The following INSRR variants were observed in gnomAD, a reference collection of about 807,000 sequenced individuals.
The protein encoded by INSRR is insulin receptor-related protein.
A neutral mutation model predicts 130.0 loss-of-function variants in INSRR; 114 were observed. The ratio of observed to expected loss-of-function variants is 0.88; its 90% CI spans 0.75 to 1.02. The LOEUF (loss-of-function observed/expected upper bound fraction) is 1.02, where lower values mean the gene tolerates loss of function less well. INSRR is among the 50% of genes least tolerant of loss of function. The pLI, the probability that INSRR is intolerant of heterozygous loss-of-function variation, is 0.00. For missense variants in INSRR, 1,657 were observed against 1,735.2 expected (o/e 0.95, Z 0.80); for synonymous variants, 674 against 705.2 (o/e 0.96, Z 0.70).
intron 19 of INSRR, 128 bp downstream of exon 19, chr1:156,841,984 C>T: frequency 3.2e-6 from 5 of 1,555,982 alleles, no homozygotes; most frequent in Middle Eastern, 1.8e-4. Flanking sequence ...GACTAAGATA[C>T]AGGGTGGGGG....
rs767526572 is a variant in INSRR at position 156,854,101 on chromosome 1, G to A, written c.288C>T (p.Asp96=). 3 of 1,614,140 alleles carry A rather than the reference G, an allele frequency of 1.9e-6. No homozygotes were observed. The highest frequency in any genetic ancestry group is 8.5e-7 in the Non-Finnish European group (1 of 1,180,044). ...FRVYGLESLR[D]LFPNLAVIRG... ...GGATGACTGCTAGGTTGGGGAAGAG[G>A]TCGCGCAGGCTCTCCAGTCCGTAGA... is the stretch of plus-strand genomic sequence containing the variant. The change falls in exon 2 of 22, where the codon GAC becomes GAT. Residue 96 remains aspartate, a synonymous_variant. Transcript: ENST00000368195. The surrounding 1 kb of genome is among the most constrained non-coding windows in gnomAD (Gnocchi z 4.2).
In INSRR at chr1:156,852,904, T is replaced by C. The variant is rs1454531282; in HGVS notation, c.638-713A>G. ...GATCTTGTTACTCTCCCGCCCGCCCTGCTGCTGAGGCGCTGGGGGTGAGAG... is the reference window on the plus strand; with the variant it reads ...GATCTTGTTACTCTCCCGCCCGCCCCGCTGCTGAGGCGCTGGGGGTGAGAG... On this transcript the variant is annotated intron_variant, in intron 2 of 21. Transcript: ENST00000368195. 3.3e-5 allele frequency among the ~76,000 whole-genome samples: 5 copies of C among 152,280 alleles called. No individual in the cohort carries two copies. In the East Asian group the frequency reaches 9.7e-4, roughly 29 times the overall value.
intron 7 of INSRR, among the ~76,000 whole-genome samples, chr1:156,847,334 CA>C (rs1655047227): frequency 6.6e-6 from 1 of 152,344 alleles, no homozygotes; most frequent in East Asian, 1.9e-4. Context: ...ATTAAGGGGC[CA>C]GAGGCAACTA....
rs545467563 is a variant in INSRR at position 156,849,624 on chromosome 1, T to C, written c.1230-164A>G. On this transcript the variant is annotated intron_variant, in intron 5 of 21. Transcript: ENST00000368195. Reference sequence around the variant, plus strand: ...ACCGGGGGCATTCGTGCATACCCACTCTGTGCCACTGACCAGGAGTATGAT... The same window carrying C: ...ACCGGGGGCATTCGTGCATACCCACCCTGTGCCACTGACCAGGAGTATGAT... Among the ~76,000 whole-genome samples the C allele has an allele frequency of 3.9e-5, 6 of 152,278 alleles. No individual in the cohort carries two copies. In the East Asian group the frequency reaches 1.2e-3, roughly 29 times the overall value.
chr1:156,855,205 T>TATCTATCTATCTATCTATCTA (rs1372578527), intron 1 of INSRR, among the ~76,000 whole-genome samples: 1 of 151,950 alleles, frequency 6.6e-6, no homozygotes, highest in African/African-American at 2.4e-5. Context: ...TCTATCTATC[T>TATCTATCTATCTATCTATCTA]ATCTATTTAT....
At chr1:156,842,013 A>T in intron 19 of INSRR, 99 bp downstream of exon 19, 1 of 1,585,700 alleles carries the variant, frequency 6.3e-7, no homozygotes, top group Non-Finnish European at 8.6e-7. Context: ...CAAGGGTCTC[A>T]CAGGCTGTCA....
At position 156,853,745 on chromosome 1, in the gene INSRR, T is replaced by C. The variant is rs1306981410; in HGVS notation, c.637+7A>G. 8 of 1,591,550 alleles carry C rather than the reference T, an allele frequency of 5.0e-6. No homozygotes were observed. Among genetic ancestry groups the C allele is most frequent in the Non-Finnish European group, 6.9e-6 (8 of 1,163,862 alleles). On this transcript the variant is annotated splice_region_variant and intron_variant, in intron 2 of 21. Transcript: ENST00000368195. ...TCCCTACATTCATGTTCTGTGCCAG[T>C]GCCCACCTCTCTGGCAGTGGCTGGA...
chr1:156,843,321 T>G (rs931012401), intron 16 of INSRR, 88 bp from the exon 17 acceptor site: 1 of 1,563,268 alleles, frequency 6.4e-7, no homozygotes, highest in African/African-American at 1.4e-5. Context: ...TCTGAAGGGC[T>G]CTTGTCCCAA....
In INSRR at chr1:156,847,608, G is replaced by A. The variant is rs546160994; in HGVS notation, c.1572-851C>T. On this transcript the variant is annotated intron_variant, in intron 7 of 21. Coordinates refer to ENST00000368195, the MANE Select transcript of INSRR (RefSeq NM_014215.3). ...TTGGGTGGCAGTGGGGGAACTTGTG[G>A]CCCAGCGGGAAGTGCCTGCCTTTGT... 5.1e-4 allele frequency among the ~76,000 whole-genome samples: 78 copies of A among 152,214 alleles called. 1 individual carries two copies. The highest frequency in any genetic ancestry group is 2.7e-3 in the Admixed American group (42 of 15,284).
Position 156,849,445 on chromosome 1 carries a change from G to A in INSRR, c.1245C>T (p.Tyr415=), listed in dbSNP as rs769917654. ...GTTGTAGGTTCTGGTTGTCCAGCAC[G>A]TAGAGAGTGTAGTTCCTGGGGGAGG... ...DAMVDGNYTL[Y]VLDNQNLQQL... Residue 415 remains tyrosine, a synonymous_variant, in exon 6 of 22, where the codon TAC becomes TAT. Coordinates refer to ENST00000368195, the MANE Select transcript of INSRR (RefSeq NM_014215.3). The A allele has an allele frequency of 3.4e-5, 47 of 1,401,214 alleles. No individual in the cohort carries two copies. In the East Asian group the frequency reaches 1.6e-3, roughly 48 times the overall value. The allele number at this position is 1,401,214 out of a possible 1,614,324, so 86.8% of individuals were successfully genotyped here. A position where few individuals can be genotyped will look rare whatever the true frequency, so the allele number is the denominator to read the frequency against.
At chr1:156,845,561 C>T (rs1465058051) in intron 10 of INSRR, 58 bp downstream of exon 10, 2 of 759,736 alleles carry the variant, frequency 2.6e-6, no homozygotes, top group Admixed American at 6.1e-5. Context: ...TCCCGCAAGA[C>T]CCGCCCCTCA....
chr1:156,843,178 T>G lies in INSRR; in HGVS notation c.2952A>C (p.Glu984Asp). The G allele has an allele frequency of 4.3e-6, 7 of 1,614,032 alleles. No individual in the cohort carries two copies. The African/African-American group carries it at 5.3e-5, about 12-fold the overall frequency. The change falls in exon 17 of 22, where the codon GAA becomes GAC. Residue 984 changes from glutamate (E) to aspartate (D), a missense_variant. Physicochemically the swap from Glu to Asp is conservative, Grantham distance 45 (BLOSUM62 2). Coordinates refer to ENST00000368195, the MANE Select transcript of INSRR (RefSeq NM_014215.3). The part of the protein sequence containing the change: ...VPREQISIIR[E>D]LGQGSFGMVY... ...CCATCCCAAAAGAGCCCTGGCCCAG[T>G]TCCCGGATTATCGAGATCTGCTCCC...
At chr1:156,850,552 TTTTTTTTTTTTTTGA>T (rs1655172685) in intron 5 of INSRR, among the ~76,000 whole-genome samples, 1 of 121,678 alleles carries the variant, frequency 8.2e-6, no homozygotes, top group African/African-American at 3.4e-5. Flanking sequence ...TTTTTTTTTT[TTTTTTTTTTTTTTGA>T]GATGGAGTCC....
chr1:156,840,988 T>C lies in INSRR; in HGVS notation c.3779A>G (p.Tyr1260Cys). 6 of 1,613,318 alleles carry C rather than the reference T, an allele frequency of 3.7e-6. No individual in the cohort carries two copies. Among genetic ancestry groups the C allele is most frequent in the Non-Finnish European group, 5.1e-6 (6 of 1,179,736 alleles). ...LRPSFRLLSF[Y>C]YSPECRGARG... ...GGCCCCCCGGCATTCCGGGCTGTAGTAGAAGGAGAGGAGGCGGAAGGAGGG... is the reference window on the plus strand; with the variant it reads ...GGCCCCCCGGCATTCCGGGCTGTAGCAGAAGGAGAGGAGGCGGAAGGAGGG... The change falls in exon 22 of 22, where the codon TAC becomes TGC. Residue 1260 changes from tyrosine (Y) to cysteine (C), a missense_variant. Transcript: ENST00000368195.
chr1:156,845,695 G>A lies in INSRR; in HGVS notation c.2098C>T (p.Pro700Ser), dbSNP rs754100052. 10 of 1,613,126 alleles carry A rather than the reference G, an allele frequency of 6.2e-6. No homozygotes were observed. The highest frequency in any genetic ancestry group is 5.5e-5 in the South Asian group (5 of 91,000). The change falls in exon 10 of 22, where the codon CCC becomes TCC. Residue 700 changes from proline (P) to serine (S), a missense_variant. Pro to Ser is a moderately conservative substitution (Grantham distance 74). Transcript: ENST00000368195. ...GAGGCCTCTTGCGCCTCCAGCGGGG[G>A]CAGAACCTGACCAGGAGGTGGGTGC... ...CQHPPPGQVL[P>S]PLEAQEASFQ...
intron 7 of INSRR, among the ~76,000 whole-genome samples, chr1:156,848,653 C>A (rs770884083): frequency 2.0e-4 from 30 of 152,190 alleles, no homozygotes; most frequent in Non-Finnish European, 3.8e-4. Flanking sequence ...GTTTAATGAT[C>A]CAAGCCTTCC....
At position 156,845,692 on chromosome 1, in the gene INSRR, G is replaced by C; in HGVS notation, c.2101C>G (p.Pro701Ala). ...AACGAGGCCTCTTGCGCCTCCAGCG[G>C]GGGCAGAACCTGACCAGGAGGTGGG... Reference protein sequence around the residue: ...QHPPPGQVLPPLEAQEASFQK... With the variant: ...QHPPPGQVLPALEAQEASFQK... Residue 701 changes from proline to alanine, a missense_variant, in exon 10 of 22, where the codon CCG (proline) becomes GCG (alanine). By Grantham distance (27) the Pro-to-Ala change is conservative (BLOSUM62 -1). Transcript: ENST00000368195. The C allele has an allele frequency of 2.5e-6, 4 of 1,612,092 alleles. No homozygotes were observed. The highest frequency in any genetic ancestry group is 3.4e-6 in the Non-Finnish European group (4 of 1,179,334).
At chr1:156,852,419 T>C (rs1334919487) in intron 2 of INSRR, among the ~76,000 whole-genome samples, 1 of 152,102 alleles carries the variant, frequency 6.6e-6, no homozygotes, top group Admixed American at 6.5e-5. Context: ...TAGTCGGGGG[T>C]GTCAGAGCTC....
rs891668899 is a variant in INSRR at position 156,842,626 on chromosome 1, C to A, written c.3127-118G>T. On this transcript the variant is annotated intron_variant, in intron 17 of 21. Transcript: ENST00000368195. The stretch of plus-strand genomic sequence containing the variant: ...CACCAAACCTGACCCTAACCCCAAC[C>A]ATGACTATAACCTGACTCCTGACCT... The A allele has an allele frequency of 1.4e-5, 10 of 716,366 alleles. No homozygotes were observed. In the African/African-American group the frequency reaches 1.6e-4, roughly 11 times the overall value. The allele number at this position is 716,366 out of a possible 1,614,324, so 44.4% of individuals were successfully genotyped here.
Sources: allele counts gnomAD v4.1 joint callset (sites outside exome capture counted in the v4.1 genomes callset), GRCh38; gene constraint gnomAD v4.1.1; non-coding constraint Gnocchi (gnomAD v3.1); transcripts MANE v1.5; gene names NCBI Gene and HGNC (gene_info 2026-07-23, HGNC 2026-07-21).